The following ZNF804A variants were observed in gnomAD, a reference collection of about 807,000 sequenced individuals.
ZNF804A encodes the protein zinc finger protein 804A.
A neutral mutation model predicts 16.5 loss-of-function variants in ZNF804A; 2 were observed. The observed-to-expected ratio is 0.12, with a 90% CI of 0.05 to 0.38. ZNF804A has a LOEUF of 0.38. Ranked by LOEUF, ZNF804A falls within the 10% of genes least tolerant of loss-of-function variation. The probability of loss-of-function intolerance (pLI) is 0.99; values close to 1 mark genes in which losing one functional copy is unlikely to be tolerated. For synonymous variants in ZNF804A, 534 were observed against 489.6 expected (o/e 1.09, Z -1.20); for missense variants, 1,473 against 1,390.7 (o/e 1.06, Z -0.94).
chr2:184,899,836 A>G (rs915421145), intron 2 of ZNF804A, among the ~76,000 whole-genome samples: 2 of 151,976 alleles, frequency 1.3e-5, no homozygotes, highest in Non-Finnish European at 2.9e-5. Flanking sequence ...TCACAAATTG[A>G]TATAACTAAG....
rs192327988 is a variant in ZNF804A at position 184,781,309 on chromosome 2, G to A, written c.112-85060G>A. Among the ~76,000 whole-genome samples the A allele has an allele frequency of 1.1e-4, 16 of 151,770 alleles. No homozygotes were observed. In the East Asian group the frequency reaches 3.1e-3, roughly 30 times the overall value. ...ATTTTCTCCTAGGTACAATGCCTAT[G>A]TCATATGATGGCTTATTTGGGCAAT... is the stretch of plus-strand genomic sequence containing the variant. On this transcript the variant is annotated intron_variant, in intron 1 of 3. Coordinates refer to ENST00000302277, the MANE Select transcript of ZNF804A (RefSeq NM_194250.2).
intron 1 of ZNF804A, among the ~76,000 whole-genome samples, chr2:184,860,890 T>C (rs7585171): frequency 0.16 from 23,767 of 152,176 alleles, 3,343 homozygotes; most frequent in African/African-American, 0.38. Context: ...GAGTCTTGGG[T>C]CTCTGGGGTT....
At chr2:184,828,496 A>G (rs1452553770) in intron 1 of ZNF804A, among the ~76,000 whole-genome samples, 2 of 151,476 alleles carry the variant, frequency 1.3e-5, no homozygotes, top group Non-Finnish European at 3.0e-5. Flanking sequence ...ATTTTCCTTC[A>G]TTAAAATTTC....
intron 1 of ZNF804A, among the ~76,000 whole-genome samples, chr2:184,602,215 T>C (rs1457979801): frequency 6.6e-6 from 1 of 151,968 alleles, no homozygotes; most frequent in Non-Finnish European, 1.5e-5. Context: ...TTAAATATAT[T>C]CCTTTTGCCA....
At chr2:184,663,489 G>A (rs142272616) in intron 1 of ZNF804A, among the ~76,000 whole-genome samples, 1,702 of 152,154 alleles carry the variant, frequency 0.011, 28 homozygotes, top group African/African-American at 0.034. Context: ...CAGGTGCCCC[G>A]TGGCACAAAC....
At chr2:184,764,961 A>G (rs1208352027) in intron 1 of ZNF804A, among the ~76,000 whole-genome samples, 1 of 152,210 alleles carries the variant, frequency 6.6e-6, no homozygotes, top group Admixed American at 6.5e-5. Flanking sequence ...GAAAACAAAA[A>G]AAAACTATTT....
At chr2:184,918,865 CTAAG>C (rs571751392) in intron 2 of ZNF804A, among the ~76,000 whole-genome samples, 1 of 152,066 alleles carries the variant, frequency 6.6e-6, no homozygotes, top group Non-Finnish European at 1.5e-5. Context: ...CCACATTAAA[CTAAG>C]TGTTTAGTGT....
At chr2:184,897,235 G>C (rs1440838849) in intron 2 of ZNF804A, among the ~76,000 whole-genome samples, 1 of 152,022 alleles carries the variant, frequency 6.6e-6, no homozygotes, top group African/African-American at 2.4e-5. Flanking sequence ...ATAATATCAA[G>C]GGTACATACT....
chr2:184,631,886 T>C (rs367577765), intron 1 of ZNF804A, among the ~76,000 whole-genome samples: 31 of 152,144 alleles, frequency 2.0e-4, no homozygotes, highest in Non-Finnish European at 3.8e-4. Context: ...TGTAGGACAC[T>C]TGGATTTGGA....
At chr2:184,613,104 G>A (rs1691264341) in intron 1 of ZNF804A, among the ~76,000 whole-genome samples, 1 of 152,216 alleles carries the variant, frequency 6.6e-6, no homozygotes, top group South Asian at 2.1e-4. Context: ...CATTAGCAAG[G>A]TGCGGATATA....
At chr2:184,787,939 T>C (rs1694473726) in intron 1 of ZNF804A, among the ~76,000 whole-genome samples, 1 of 151,998 alleles carries the variant, frequency 6.6e-6, no homozygotes, top group Non-Finnish European at 1.5e-5. Context: ...GGAGAGCTTT[T>C]TCTTAGGTTT....
chr2:184,773,064 A>T (rs1054052624), intron 1 of ZNF804A, among the ~76,000 whole-genome samples: 1 of 150,288 alleles, frequency 6.7e-6, no homozygotes, highest in Non-Finnish European at 1.5e-5. Flanking sequence ...AAATGTGCAC[A>T]CACACATACA....
chr2:184,858,654 T>C (rs1190225507), intron 1 of ZNF804A, among the ~76,000 whole-genome samples: 3 of 152,142 alleles, frequency 2.0e-5, no homozygotes, highest in African/African-American at 4.8e-5. Context: ...GTAATGATAA[T>C]TATTTTAAAT....
chr2:184,936,965 C>G lies in ZNF804A; in HGVS notation c.1569C>G (p.Val523=). Residue 523 remains valine, a synonymous_variant, in exon 4 of 4, where the codon GTC becomes GTG. Transcript: ENST00000302277. ...GTAGCAAAAATAAATGCAGCCAAGT[C>G]ACTCCTCTTTTGGCTGATGATATTC... The part of the protein sequence containing the change: ...IGSSKNKCSQ[V]TPLLADDILS... 3 of 1,613,880 alleles carry G rather than the reference C, an allele frequency of 1.9e-6. No homozygotes were observed. The African/African-American group carries it at 4.0e-5, about 22-fold the overall frequency.
chr2:184,633,393 G>A (rs969684720), intron 1 of ZNF804A, among the ~76,000 whole-genome samples: 1 of 152,056 alleles, frequency 6.6e-6, no homozygotes, highest in Non-Finnish European at 1.5e-5. Flanking sequence ...CGGAAGAAGT[G>A]CTACTTAAAA....
At chr2:184,839,832 G>A (rs1050659863) in intron 1 of ZNF804A, among the ~76,000 whole-genome samples, 23 of 151,824 alleles carry the variant, frequency 1.5e-4, no homozygotes, top group African/African-American at 5.6e-4. Flanking sequence ...TTTCATTTTT[G>A]ATTAATTAAC....
chr2:184,799,712 T>C lies in ZNF804A; in HGVS notation c.112-66657T>C, dbSNP rs1333801901. On this transcript the variant is annotated intron_variant, in intron 1 of 3. Coordinates refer to ENST00000302277, the MANE Select transcript of ZNF804A (RefSeq NM_194250.2). ...CTACTATTTTTATTTATTTTTTTCTTTTTTTGTATGTGTAGAGATAAGGTT... is the reference window on the plus strand; with the variant it reads ...CTACTATTTTTATTTATTTTTTTCTCTTTTTGTATGTGTAGAGATAAGGTT... Among the ~76,000 whole-genome samples the C allele has an allele frequency of 2.6e-5, 4 of 152,106 alleles. No individual in the cohort carries two copies. The South Asian group carries it at 6.2e-4, about 24-fold the overall frequency.
At chr2:184,809,691 G>A (rs1287071944) in intron 1 of ZNF804A, among the ~76,000 whole-genome samples, 2 of 151,690 alleles carry the variant, frequency 1.3e-5, no homozygotes, top group Admixed American at 6.6e-5. Context: ...GGCTTTTTAA[G>A]GTGGGGGTCA....
chr2:184,915,279 A>C (rs1463620720), intron 2 of ZNF804A, among the ~76,000 whole-genome samples: 1 of 152,136 alleles, frequency 6.6e-6, no homozygotes, highest in Non-Finnish European at 1.5e-5. Context: ...GCATTTAAAA[A>C]ATAACATTTT....
Sources: allele counts gnomAD v4.1 joint callset (sites outside exome capture counted in the v4.1 genomes callset), GRCh38; gene constraint gnomAD v4.1.1; transcripts MANE v1.5; gene names NCBI Gene and HGNC (gene_info 2026-07-23, HGNC 2026-07-21).